CNFN: variants seen among roughly 807,000 people sequenced by gnomAD.
CNFN encodes the protein cornefied envelope protein cornefilin.
Under a neutral mutation model 14.9 loss-of-function variants are expected in CNFN, and 10 were observed. The observed-to-expected ratio is 0.67, with a 90% CI of 0.41 to 1.14. The LOEUF (loss-of-function observed/expected upper bound fraction) is 1.14. Ranked by LOEUF, CNFN falls within the 50% of genes most tolerant of loss-of-function variation. The pLI is 0.00. For synonymous variants in CNFN, 66 were observed against 60.0 expected, an observed-to-expected ratio of 1.10 and a Z score of -0.46; for missense variants, 165 against 152.8, an observed-to-expected ratio of 1.08 and a Z score of -0.42.
intron 2 of CNFN, among the ~76,000 whole-genome samples, chr19:42,388,369 A>G (rs1344827001): frequency 1.3e-5 from 2 of 149,188 alleles, no homozygotes; most frequent in East Asian, 2.0e-4. Flanking sequence ...TTTTTTTTGT[A>G]TTTTTAGTAG....
chr19:42,389,621 G>A (rs1012694363), intron 1 of CNFN: 1 of 1,004,312 alleles, frequency 1.0e-6, no homozygotes, highest in African/African-American at 1.7e-5. Flanking sequence ...CTGGGGAGGT[G>A]GGGGCAAGGG....
chr19:42,387,358 C>A lies in CNFN; in HGVS notation c.231G>T (p.Arg77=). ...GGLHSIRTGM[R]ERYHIQGSVG... is the part of the protein sequence containing the mutation. Reference sequence around the variant, plus strand: ...CGCGCACCTGGATGTGGTAGCGCTCCCGCATGCCGGTGCGGATGGAGTGCA... The same window carrying A: ...CGCGCACCTGGATGTGGTAGCGCTCACGCATGCCGGTGCGGATGGAGTGCA... Residue 77 remains arginine (R), a synonymous_variant, in exon 3 of 4, where the codon CGG becomes CGT. Transcript: ENST00000222032. The A allele has an allele frequency of 6.3e-7, 1 of 1,597,872 alleles. No individual in the cohort carries two copies. The highest frequency in any genetic ancestry group is 2.3e-5 in the East Asian group (1 of 43,926).
rs569737288 is a variant in CNFN at position 42,388,002 on chromosome 19, A to C, written c.113-526T>G. On this transcript the variant is annotated intron_variant, in intron 2 of 3. Transcript: ENST00000222032. ...CTCAAAAAAAACAAAAAACAAAACA[A>C]AAAAAAAAACGAAAGAAAGAAAAAA... Among the ~76,000 whole-genome samples the C allele has an allele frequency of 7.0e-3, 1,055 of 150,058 alleles. 23 individuals are homozygous for C. The highest frequency in any genetic ancestry group is 0.01 in the Middle Eastern group (3 of 294).
In CNFN at chr19:42,387,402, G is replaced by T; in HGVS notation, c.187C>A (p.Pro63Thr). The T allele has an allele frequency of 1.2e-6, 2 of 1,601,732 alleles. No homozygotes were observed. Among genetic ancestry groups the T allele is most frequent in the South Asian group, 2.2e-5 (2 of 89,538 alleles). ...SDDFGECCCAPYLPGGLHSIR... is the reference protein window; with the variant it reads ...SDDFGECCCATYLPGGLHSIR... Reference sequence around the variant, plus strand: ...GAGTGCAGGCCTCCGGGCAGGTAGGGCGCGCAGCAGCACTCGCCAAAGTCG... The same window carrying T: ...GAGTGCAGGCCTCCGGGCAGGTAGGTCGCGCAGCAGCACTCGCCAAAGTCG... The change falls in exon 3 of 4, where the codon CCC (proline) becomes ACC (threonine). Residue 63 changes from proline to threonine, a missense_variant. Transcript: ENST00000222032.
At position 42,387,979 on chromosome 19, in the gene CNFN, C is replaced by CA. The variant is rs200969895; in HGVS notation, c.113-504dup. On this transcript the variant is annotated intron_variant, in intron 2 of 3. Coordinates refer to ENST00000222032, the MANE Select transcript of CNFN (RefSeq NM_032488.4). ...TGGGCGACAGAGCAATACTCCGTCT[C>CA]AAAAAAAACAAAAAACAAAACAAAA... 9.9e-3 allele frequency among the ~76,000 whole-genome samples: 305 copies of CA among 30,858 alleles called. 6 individuals are homozygous for CA. Among genetic ancestry groups the CA allele is most frequent in the East Asian group, 0.053 (63 of 1,192 alleles). The allele number at this position is 30,858 out of a possible 152,430, so 20.2% of individuals were successfully genotyped here.
At position 42,387,343 on chromosome 19, in the gene CNFN, G is replaced by T. The variant is rs2039858481; in HGVS notation, c.246C>A (p.Ile82=). Reference sequence around the variant, plus strand: ...GGGTCCCCAGCCCGGCGCGCACCTGGATGTGGTAGCGCTCCCGCATGCCGG... The same window carrying T: ...GGGTCCCCAGCCCGGCGCGCACCTGTATGTGGTAGCGCTCCCGCATGCCGG... ...IRTGMRERYH[I]QGSVGHDWAA... The change falls in exon 3 of 4, where the codon ATC becomes ATA. Residue 82 remains isoleucine (I), a synonymous_variant. Coordinates refer to ENST00000222032, the MANE Select transcript of CNFN (RefSeq NM_032488.4). The T allele has an allele frequency of 1.3e-6, 2 of 1,597,136 alleles. No homozygotes were observed.
chr19:42,387,277 G>C (rs1174629806), intron 3 of CNFN, 35 bp from the exon 4 acceptor site: 1 of 1,608,668 alleles, frequency 6.2e-7, no homozygotes, highest in East Asian at 2.2e-5. Context: ...GGAGCCCCGC[G>C]GTGGGTCCCA....
At chr19:42,388,000 C>CAAAAAAAAAAAAAAAAAAAAA (rs1182517143) in intron 2 of CNFN, among the ~76,000 whole-genome samples, 1 of 138,804 alleles carries the variant, frequency 7.2e-6, no homozygotes, top group African/African-American at 2.8e-5. Flanking sequence ...AAAAACAAAA[C>CAAAAAAAAAAAAAAAAAAAAA]AAAAAAAAAA....
rs2039883326 is a variant in CNFN at position 42,389,644 on chromosome 19, G to C, written c.-3+596C>G. 1.8e-5 allele frequency: 11 copies of C among 609,786 alleles called. 1 individual carries two copies. The Admixed American group carries it at 2.8e-4, about 15-fold the overall frequency. 37.8% of individuals were successfully genotyped at this position (609,786 alleles called of 1,614,324 possible). A position where few individuals can be genotyped will look rare whatever the true frequency, so the allele number is the denominator to read the frequency against. On this transcript the variant is annotated intron_variant, in intron 1 of 3. Transcript: ENST00000222032. ...GTGGGGGCAAGGGACTGGGGCACTG[G>C]GGGCTGGGCTCTCAGGGGGAGGGGA... is the stretch of plus-strand genomic sequence containing the variant.
At position 42,387,184 on chromosome 19, in the gene CNFN, T is replaced by C; in HGVS notation, c.308A>G (p.Gln103Arg). 1 of 1,614,228 alleles carries C rather than the reference T, an allele frequency of 6.2e-7. No homozygotes were observed. The highest frequency in any genetic ancestry group is 2.2e-5 in the East Asian group (1 of 44,874). Residue 103 changes from glutamine to arginine, a missense_variant, in exon 4 of 4, where the codon CAG (glutamine) becomes CGG (arginine). By Grantham distance (43) the Gln-to-Arg change is conservative (BLOSUM62 1). Coordinates refer to ENST00000222032, the MANE Select transcript of CNFN (RefSeq NM_032488.4). ...LTFCLPCALC[Q>R]MARELKIRE Reference sequence around the variant, plus strand: ...TCGGATCTTCAGTTCCCGCGCCATCTGGCAGAGGGCGCAGGGCAGACAAAA... The same window carrying C: ...TCGGATCTTCAGTTCCCGCGCCATCCGGCAGAGGGCGCAGGGCAGACAAAA...
chr19:42,387,590 G>A (rs1038820476), intron 2 of CNFN, 114 bp from the exon 3 acceptor site: 4 of 717,410 alleles, frequency 5.6e-6, no homozygotes, highest in South Asian at 3.8e-5. Context: ...CCCAGCCAAG[G>A]AGAGGTCCCA....
At chr19:42,388,000 C>A (rs851297) in intron 2 of CNFN, among the ~76,000 whole-genome samples, 136,271 of 138,808 alleles carry the variant, frequency 0.98, 66,876 homozygotes, top group South Asian at 0.99. Flanking sequence ...AAAAACAAAA[C>A]AAAAAAAAAA....
Position 42,387,111 on chromosome 19 carries a change from G to A in CNFN, c.*42C>T, listed in dbSNP as rs1191055696. The A allele has an allele frequency of 1.2e-6, 2 of 1,603,390 alleles. No individual in the cohort carries two copies. The highest frequency in any genetic ancestry group is 1.1e-5 in the South Asian group (1 of 90,688). On this transcript the variant is annotated 3_prime_UTR_variant, in exon 4 of 4. Transcript: ENST00000222032. ...CCAGGAGTGGCCAGAGAAGGCCAGA[G>A]GCGAGACTGGTGGAAAAGGACGGGG...
chr19:42,387,787 C>T (rs2039865651), intron 2 of CNFN, among the ~76,000 whole-genome samples: 2 of 149,940 alleles, frequency 1.3e-5, no homozygotes, highest in Admixed American at 1.3e-4. Flanking sequence ...TGAGACCAGC[C>T]TACCCAACAT....
In CNFN at chr19:42,387,206, A is replaced by G; in HGVS notation, c.286T>C (p.Cys96Arg). The G allele has an allele frequency of 2.5e-6, 4 of 1,614,168 alleles. No homozygotes were observed. Among genetic ancestry groups the G allele is most frequent in the Non-Finnish European group, 3.4e-6 (4 of 1,180,016 alleles). The change falls in exon 4 of 4, where the codon TGT (cysteine) becomes CGT (arginine). Residue 96 changes from cysteine to arginine, a missense_variant. Transcript: ENST00000222032. ...ATCTGGCAGAGGGCGCAGGGCAGAC[A>G]AAAGGTGAGGGCCGCCCAGTCGTGC... ...VGHDWAALTF[C>R]LPCALCQMAR...
At position 42,387,445 on chromosome 19, in the gene CNFN, A is replaced by T. The variant is rs913624919; in HGVS notation, c.144T>A (p.Leu48=). 6.3e-7 allele frequency: 1 copy of T among 1,596,636 alleles called. No homozygotes were observed. The highest frequency in any genetic ancestry group is 8.5e-7 in the Non-Finnish European group (1 of 1,173,342). ...CAAAGTCGTCGGAGATGCGGCAGGC[A>T]AGGCACAGAGGAGCAAAAGTGCCGC... is the stretch of plus-strand genomic sequence containing the variant. ...CLCGTFAPLC[L]ACRISDDFGE... is the part of the protein sequence containing the mutation. Residue 48 remains leucine, a synonymous_variant, in exon 3 of 4, where the codon CTT becomes CTA. Transcript: ENST00000222032.
chr19:42,387,355 C>T lies in CNFN; in HGVS notation c.234G>A (p.Glu78=). The T allele has an allele frequency of 1.3e-6, 2 of 1,597,212 alleles. No homozygotes were observed. The highest frequency in any genetic ancestry group is 1.7e-6 in the Non-Finnish European group (2 of 1,173,088). The change falls in exon 3 of 4, where the codon GAG becomes GAA. Residue 78 remains glutamate, a synonymous_variant. Transcript: ENST00000222032. ...CGGCGCGCACCTGGATGTGGTAGCG[C>T]TCCCGCATGCCGGTGCGGATGGAGT... is the stretch of plus-strand genomic sequence containing the variant. ...GLHSIRTGMR[E]RYHIQGSVGH...
chr19:42,389,776 C>T (rs1018952393), intron 1 of CNFN, among the ~76,000 whole-genome samples: 1 of 152,158 alleles, frequency 6.6e-6, no homozygotes, highest in Non-Finnish European at 1.5e-5. Context: ...AACTGCCCGA[C>T]AGATTGCAGA....
chr19:42,387,295 A>C, intron 3 of CNFN, 45 bp downstream of exon 3: 1 of 1,604,940 alleles, frequency 6.2e-7, no homozygotes. Context: ...CCAGGAGGCC[A>C]GTCCCCAGCT....
Sources: allele counts gnomAD v4.1 joint callset (sites outside exome capture counted in the v4.1 genomes callset), GRCh38; gene constraint gnomAD v4.1.1; transcripts MANE v1.5; gene names NCBI Gene and HGNC (gene_info 2026-07-23, HGNC 2026-07-21).